Variants in KCTD9 observed in about 807,000 individuals in gnomAD.
The protein encoded by KCTD9 is BTB/POZ domain-containing protein KCTD9.
KCTD9 carries 17 observed loss-of-function variants against 53.3 expected under a neutral mutation model. That is an observed-to-expected ratio of 0.32 (90% CI 0.22 to 0.48). The LOEUF is 0.48. Among genes scored for constraint, KCTD9 ranks in the 20% least tolerant of loss-of-function variants. The pLI, the probability that KCTD9 is intolerant of heterozygous loss-of-function variation, is 0.99. For synonymous variants in KCTD9, 128 were observed against 162.7 expected (o/e 0.79, Z 1.62); for missense variants, 179 against 465.5 (o/e 0.38, Z 5.66).
chr8:25,446,334 G>T, intron 1 of KCTD9, 84 bp from the exon 2 acceptor site: 2 of 1,415,106 alleles, frequency 1.4e-6, no homozygotes, highest in East Asian at 2.3e-5. Context: ...CTAGAACAGT[G>T]CTAAAAAGAT....
rs1348522582 is a variant in KCTD9 at position 25,431,910 on chromosome 8, CA to C, written c.1053+593del. The stretch of plus-strand genomic sequence containing the variant: ...TTAAAATTAAATAAAATTTAAAAAT[CA>C]ATTTCTCATTTGCACTAGCCAAATC... On this transcript the variant is annotated intron_variant, in intron 11 of 11. Coordinates refer to ENST00000221200, the MANE Select transcript of KCTD9 (RefSeq NM_017634.4). 2.6e-5 allele frequency among the ~76,000 whole-genome samples: 4 copies of C among 152,126 alleles called. No individual in the cohort carries two copies. The East Asian group carries it at 7.7e-4, about 29-fold the overall frequency.
chr8:25,440,761 A>G, intron 3 of KCTD9, 88 bp from the exon 4 acceptor site: 1 of 872,570 alleles, frequency 1.1e-6, no homozygotes, highest in Non-Finnish European at 1.9e-6. Flanking sequence ...AACTGAATAC[A>G]CACATAATAA....
Position 25,443,196 on chromosome 8 carries a change from G to C in KCTD9, c.214+1096C>G, listed in dbSNP as rs564916811. ...CAACAATAATGAACCCAATAGCGAA[G>C]AGCCTCCCTAGCACCCAGATTTGTC... On this transcript the variant is annotated intron_variant, in intron 3 of 11. Coordinates refer to ENST00000221200, the MANE Select transcript of KCTD9 (RefSeq NM_017634.4). 2.6e-5 allele frequency among the ~76,000 whole-genome samples: 4 copies of C among 152,068 alleles called. No homozygotes were observed. The East Asian group carries it at 7.7e-4, about 29-fold the overall frequency.
chr8:25,444,430 AC>A (rs899865045), intron 2 of KCTD9, 95 bp from the exon 3 acceptor site: 2 of 1,188,158 alleles, frequency 1.7e-6, no homozygotes, highest in Non-Finnish European at 2.4e-6. Flanking sequence ...AATTATATAG[AC>A]AATAGGTTTT....
At chr8:25,438,071 T>C (rs531200777) in intron 6 of KCTD9, among the ~76,000 whole-genome samples, 1 of 152,214 alleles carries the variant, frequency 6.6e-6, no homozygotes, top group South Asian at 2.1e-4. Context: ...TTTTGAACAC[T>C]TGAACAAATA....
rs1271996157 is a variant in KCTD9, at chr8:25,428,245, A to AAAT, written c.*1609_*1611dup. 1 of 152,676 alleles carries AAAT rather than the reference A, an allele frequency of 6.5e-6. No homozygotes were observed. The highest frequency in any genetic ancestry group is 1.5e-5 in the Non-Finnish European group (1 of 68,048). The allele number at this position is 152,676 out of a possible 1,614,324, so 9.5% of individuals were successfully genotyped here. ...TAATTTAGGCACATATTGATTATGA[A>AAAT]AATAGATTATCTCTCAATACAATAC... On this transcript the variant is annotated 3_prime_UTR_variant, in exon 12 of 12. Transcript: ENST00000221200.
chr8:25,453,303 G>A (rs1802366979), intron 1 of KCTD9, among the ~76,000 whole-genome samples: 1 of 151,758 alleles, frequency 6.6e-6, no homozygotes, highest in African/African-American at 2.4e-5. Context: ...GTTGCAGTGA[G>A]CCAAGATCGC....
At chr8:25,437,518 A>C (rs1238648296) in intron 6 of KCTD9, among the ~76,000 whole-genome samples, 1 of 151,932 alleles carries the variant, frequency 6.6e-6, no homozygotes, top group Non-Finnish European at 1.5e-5. Flanking sequence ...CTCTACTAAA[A>C]ATACAAAAAA....
chr8:25,449,619 G>A (rs896460510), intron 1 of KCTD9, among the ~76,000 whole-genome samples: 13 of 152,094 alleles, frequency 8.5e-5, no homozygotes, highest in African/African-American at 2.7e-4. Context: ...TTTTAAAGCT[G>A]TGCTGTCCAG....
At chr8:25,452,628 A>G (rs1190225756) in intron 1 of KCTD9, among the ~76,000 whole-genome samples, 1 of 152,200 alleles carries the variant, frequency 6.6e-6, no homozygotes, top group Non-Finnish European at 1.5e-5. Flanking sequence ...GATGCATGCT[A>G]AAGTTTGATT....
chr8:25,446,327 G>T (rs1273190297), intron 1 of KCTD9, 77 bp from the exon 2 acceptor site: 4 of 1,475,262 alleles, frequency 2.7e-6, no homozygotes, highest in Non-Finnish European at 3.7e-6. Context: ...TACCACACTA[G>T]AACAGTGCTA....
At position 25,428,376 on chromosome 8, in the gene KCTD9, C is replaced by CTT. The variant is rs2117377314; in HGVS notation, c.*1479_*1480dup. 6.6e-6 allele frequency: 1 copy of CTT among 152,626 alleles called. No individual in the cohort carries two copies. Among genetic ancestry groups the CTT allele is most frequent in the African/African-American group, 2.4e-5 (1 of 41,546 alleles). 9.5% of individuals were successfully genotyped at this position (152,626 alleles called of 1,614,324 possible). A position where few individuals can be genotyped will look rare whatever the true frequency, so the allele number is the denominator to read the frequency against. ...TCTCCTCCCACTATGCATATGTACC[C>CTT]TTTACTGTTAAGGAAAGCTTTGCAT... On this transcript the variant is annotated 3_prime_UTR_variant, in exon 12 of 12. Coordinates refer to ENST00000221200, the MANE Select transcript of KCTD9 (RefSeq NM_017634.4).
chr8:25,455,717 A>T (rs1040986117), intron 1 of KCTD9, among the ~76,000 whole-genome samples: 3 of 152,190 alleles, frequency 2.0e-5, no homozygotes, highest in Admixed American at 6.5e-5. Flanking sequence ...GTAAGCTTCC[A>T]TATCACAATG....
chr8:25,435,537 C>T (rs1019950549), intron 8 of KCTD9, 25 bp from the exon 9 acceptor site: 3 of 1,572,532 alleles, frequency 1.9e-6, no homozygotes, highest in South Asian at 2.4e-5. Flanking sequence ...CACAAATTGT[C>T]ACCATAACTA....
At chr8:25,457,666 G>A (rs1360061345) in intron 1 of KCTD9, 1 of 152,292 alleles carries the variant, frequency 6.6e-6, no homozygotes, top group Non-Finnish European at 1.5e-5. Flanking sequence ...ACAAGAAAAT[G>A]CCCCCATTTT....
In KCTD9 at chr8:25,428,105, G is replaced by C. The variant is rs1801871291; in HGVS notation, c.*1752C>G. ...GCAGTTTCTAAGCACACCATGTTTA[G>C]ATCTTTCAGATCCTTCTGCAGTTTT... On this transcript the variant is annotated 3_prime_UTR_variant, in exon 12 of 12. Transcript: ENST00000221200. 6.6e-6 allele frequency: 1 copy of C among 152,586 alleles called. No individual in the cohort carries two copies. Among genetic ancestry groups the C allele is most frequent in the African/African-American group, 2.4e-5 (1 of 41,456 alleles). The allele number at this position is 152,586 out of a possible 1,614,324, so 9.5% of individuals were successfully genotyped here.
intron 1 of KCTD9, among the ~76,000 whole-genome samples, chr8:25,448,902 G>A (rs1360198333): frequency 1.3e-5 from 2 of 151,002 alleles, no homozygotes; most frequent in African/African-American, 2.4e-5. Context: ...GCGACAAAGT[G>A]AGACTCCTTC....
At chr8:25,441,299 T>A (rs1374434755) in intron 3 of KCTD9, among the ~76,000 whole-genome samples, 1 of 152,100 alleles carries the variant, frequency 6.6e-6, no homozygotes, top group African/African-American at 2.4e-5. Flanking sequence ...TCTAGAGCCA[T>A]GAAATTGGAA....
At chr8:25,450,939 A>C (rs1390379819) in intron 1 of KCTD9, among the ~76,000 whole-genome samples, 1 of 152,244 alleles carries the variant, frequency 6.6e-6, no homozygotes, top group Non-Finnish European at 1.5e-5. Flanking sequence ...AGCAGTTTGC[A>C]ATCAGGCAGT....
Sources: allele counts gnomAD v4.1 joint callset (sites outside exome capture counted in the v4.1 genomes callset), GRCh38; gene constraint gnomAD v4.1.1; transcripts MANE v1.5; gene names NCBI Gene and HGNC (gene_info 2026-07-23, HGNC 2026-07-21).